The following RABGGTB variants were observed in gnomAD, a reference collection of about 807,000 sequenced individuals.
The protein encoded by RABGGTB is geranylgeranyl transferase type-2 subunit beta.
RABGGTB carries 20 observed loss-of-function variants against 44.5 expected under a neutral mutation model. That is an observed-to-expected ratio of 0.45 (90% CI 0.32 to 0.65). The LOEUF (loss-of-function observed/expected upper bound fraction) is 0.65. Among genes scored for constraint, RABGGTB ranks in the 30% least tolerant of loss-of-function variants. The pLI, the probability that RABGGTB is intolerant of heterozygous loss-of-function variation, is 0.05. For missense variants in RABGGTB, 302 were observed against 398.7 expected, an observed-to-expected ratio of 0.76 and a Z score of 2.06; for synonymous variants, 128 against 136.7, an observed-to-expected ratio of 0.94 and a Z score of 0.44.
chr1:75,794,399 C>A (rs1046402097), intron 8 of RABGGTB, 111 bp from the exon 9 acceptor site: 2 of 1,321,042 alleles, frequency 1.5e-6, no homozygotes, highest in Middle Eastern at 2.0e-4. Context: ...ACAGAAATTT[C>A]TTGTCGCTTG....
At chr1:75,794,275 GT>G in intron 8 of RABGGTB, 42 bp downstream of exon 8, 1 of 1,562,466 alleles carries the variant, frequency 6.4e-7, no homozygotes, top group Middle Eastern at 1.7e-4. Flanking sequence ...TTATTTCAGC[GT>G]TTGCATTACT....
chr1:75,790,902 A>G (rs1240280388), intron 4 of RABGGTB, among the ~76,000 whole-genome samples: 1 of 152,038 alleles, frequency 6.6e-6, no homozygotes, highest in Non-Finnish European at 1.5e-5. Context: ...CTCGGCCACC[A>G]AAAGTGCTGG....
chr1:75,789,694 TTG>T (rs1418382670), intron 3 of RABGGTB: 6 of 570,688 alleles, frequency 1.1e-5, no homozygotes, highest in African/African-American at 5.6e-5. Flanking sequence ...GATCAGGACT[TTG>T]TGTGGATGTG....
At chr1:75,787,960 ACT>A (rs1649541811) in intron 2 of RABGGTB, 1 of 534,726 alleles carries the variant, frequency 1.9e-6, no homozygotes, top group South Asian at 1.4e-5. Flanking sequence ...CTCTAGAATT[ACT>A]CTGAGACCTT....
rs1649728725 is a variant in RABGGTB at position 75,794,748 on chromosome 1, T to C, written c.*98T>C. On this transcript the variant is annotated 3_prime_UTR_variant, in exon 9 of 9. Coordinates refer to ENST00000319942, the MANE Select transcript of RABGGTB (RefSeq NM_004582.4). ...TCTAAAAGTGACTACTGTTAATATT[T>C]TGTATATTGTGTTAAATTAATTTTA... 1.1e-6 allele frequency: 1 copy of C among 918,940 alleles called. No homozygotes were observed. Among genetic ancestry groups the C allele is most frequent in the South Asian group, 3.6e-5 (1 of 28,002 alleles). The allele number at this position is 918,940 out of a possible 1,614,324, so 56.9% of individuals were successfully genotyped here. A position where few individuals can be genotyped will look rare whatever the true frequency, so the allele number is the denominator to read the frequency against.
Position 75,789,365 on chromosome 1 carries a change from T to G in RABGGTB, c.309+9T>G. On this transcript the variant is annotated intron_variant, in intron 3 of 8. Coordinates refer to ENST00000319942, the MANE Select transcript of RABGGTB (RefSeq NM_004582.4). ...CTCTTAGTGCTGTCCAGGTAAATAC[T>G]AATCAAAATTGCAACGATCTTGATA... 1.2e-6 allele frequency: 2 copies of G among 1,606,668 alleles called. No homozygotes were observed. Among genetic ancestry groups the G allele is most frequent in the Non-Finnish European group, 1.7e-6 (2 of 1,173,482 alleles).
intron 6 of RABGGTB, chr1:75,791,841 C>A: frequency 5.8e-6 from 2 of 345,162 alleles, no homozygotes; most frequent in Non-Finnish European, 9.4e-6. Flanking sequence ...TTTTCACTAA[C>A]CATACAGATA....
intron 4 of RABGGTB, chr1:75,790,433 A>G (rs1253888288): frequency 2.7e-6 from 3 of 1,102,726 alleles, no homozygotes; most frequent in African/African-American, 1.6e-5. Flanking sequence ...AACGTAGATA[A>G]TCTCTGCTTT....
Position 75,789,176 on chromosome 1 carries a change from G to C in RABGGTB, c.129G>C (p.Glu43Asp). The C allele has an allele frequency of 6.2e-7, 1 of 1,613,830 alleles. No homozygotes were observed. The highest frequency in any genetic ancestry group is 8.5e-7 in the Non-Finnish European group (1 of 1,179,736). Residue 43 changes from glutamate to aspartate, a missense_variant, in exon 3 of 9, where the codon GAG becomes GAC. By Grantham distance (45) the Glu-to-Asp change is conservative. Transcript: ENST00000319942. ...KKDDYEYCMS[E>D]YLRMSGIYWG... Reference sequence around the variant, plus strand: ...TATTTTAGGAATACTGTATGTCTGAGTATTTGAGAATGAGTGGCATCTATT... The same window carrying C: ...TATTTTAGGAATACTGTATGTCTGACTATTTGAGAATGAGTGGCATCTATT...
chr1:75,788,628 A>G, intron 2 of RABGGTB: 1 of 156,692 alleles, frequency 6.4e-6, no homozygotes, highest in Non-Finnish European at 1.4e-5. Context: ...TGAGTGTGGG[A>G]AAAATTTGTT....
chr1:75,787,898 T>C (rs1388005561), intron 2 of RABGGTB: 1 of 613,930 alleles, frequency 1.6e-6, no homozygotes. Context: ...AGGTCAATGA[T>C]GTGTTGGCAT....
intron 6 of RABGGTB, 64 bp from the exon 7 acceptor site, chr1:75,792,117 G>C (rs1300130794): frequency 1.4e-6 from 2 of 1,396,096 alleles, no homozygotes; most frequent in South Asian, 1.3e-5. Flanking sequence ...TTAATAATTT[G>C]AGTTTTATCA....
At chr1:75,788,837 C>T (rs978173704) in intron 2 of RABGGTB, 2 of 321,988 alleles carry the variant, frequency 6.2e-6, no homozygotes, top group Non-Finnish European at 1.1e-5. Flanking sequence ...AAGAAATACT[C>T]TCCCTGAACT....
intron 7 of RABGGTB, among the ~76,000 whole-genome samples, chr1:75,792,576 A>G (rs1649671773): frequency 6.6e-6 from 1 of 152,144 alleles, no homozygotes; most frequent in Admixed American, 6.6e-5. Flanking sequence ...GGCAAATTGG[A>G]TTTTTTAAAA....
intron 3 of RABGGTB, 137 bp downstream of exon 3, chr1:75,789,493 G>C (rs771461031): frequency 2.2e-6 from 2 of 889,312 alleles, no homozygotes; most frequent in Non-Finnish European, 3.8e-6. Flanking sequence ...TGATGTAATG[G>C]CATGTATTAG....
rs1434584805 is a variant in RABGGTB, at chr1:75,789,664, A to G, written c.310-288A>G. 6.7e-6 allele frequency: 4 copies of G among 594,722 alleles called. No homozygotes were observed. The East Asian group carries it at 1.2e-4, about 18-fold the overall frequency. 36.8% of individuals were successfully genotyped at this position (594,722 alleles called of 1,614,324 possible). ...GGTGGTTTAAAGTCTTTCTGGTACT[A>G]CTGGGTGCTGAGATGGGAAGATCAG... On this transcript the variant is annotated intron_variant, in intron 3 of 8. Coordinates refer to ENST00000319942, the MANE Select transcript of RABGGTB (RefSeq NM_004582.4).
rs3737573 is a variant in RABGGTB at position 75,787,544 on chromosome 1, T to A, written c.51T>A (p.Thr17=). 1,512 of 1,614,124 alleles carry A rather than the reference T, an allele frequency of 9.4e-4. 29 individuals are homozygous for A. In the East Asian group the frequency reaches 0.031, roughly 33 times the overall value. ...DVIIKSDAPD[T]LLLEKHADYI... ...TTATCAAGTCAGATGCACCGGACAC[T>A]TTGTTATTGGAGAAACATGCAGATT... The change falls in exon 2 of 9, where the codon ACT becomes ACA. Residue 17 remains threonine, a synonymous_variant. Transcript: ENST00000319942.
At chr1:75,787,263 G>T (rs1649517311) in intron 1 of RABGGTB, 2 of 629,398 alleles carry the variant, frequency 3.2e-6, no homozygotes, top group South Asian at 1.7e-5. Context: ...GTCGGTCTCC[G>T]GTCGCCCAGG....
intron 1 of RABGGTB, chr1:75,786,882 A>G (rs1649502276): frequency 6.0e-6 from 2 of 334,576 alleles, no homozygotes; most frequent in Admixed American, 4.5e-5. Context: ...TGAAACCTGC[A>G]TTTGATTAAG....
Sources: allele counts gnomAD v4.1 joint callset (sites outside exome capture counted in the v4.1 genomes callset), GRCh38; gene constraint gnomAD v4.1.1; transcripts MANE v1.5; gene names NCBI Gene and HGNC (gene_info 2026-07-23, HGNC 2026-07-21).